PAK2: variants seen among roughly 807,000 people sequenced by gnomAD.
The protein encoded by PAK2 is p21 (RAC1) activated kinase 2.
PAK2 carries 21 observed loss-of-function variants against 65.9 expected under a neutral mutation model. The ratio of observed to expected loss-of-function variants is 0.32; its 90% confidence interval spans 0.23 to 0.46. The LOEUF is 0.46. Ranked by LOEUF, PAK2 falls within the 20% of genes least tolerant of loss-of-function variation. The pLI, the probability that PAK2 is intolerant of heterozygous loss-of-function variation, is 1.00. For missense variants in PAK2, 324 were observed against 642.6 expected (o/e 0.50, Z 5.36); for synonymous variants, 204 against 219.7 (o/e 0.93, Z 0.63).
chr3:196,804,806 GATATAT>G (rs371990910), intron 4 of PAK2, among the ~76,000 whole-genome samples: 8 of 142,546 alleles, frequency 5.6e-5, no homozygotes, highest in African/African-American at 1.6e-4. Flanking sequence ...GTGTGTGTGT[GATATAT>G]ATATATATAT....
intron 1 of PAK2, among the ~76,000 whole-genome samples, chr3:196,766,905 A>T (rs1179911324): frequency 6.7e-6 from 1 of 148,710 alleles, no homozygotes; most frequent in Admixed American, 6.7e-5. Flanking sequence ...CTTCCATTTA[A>T]AAAAAAAATA....
At chr3:196,821,378 C>T (rs1711645630) in intron 13 of PAK2, among the ~76,000 whole-genome samples, 1 of 151,762 alleles carries the variant, frequency 6.6e-6, no homozygotes, top group Non-Finnish European at 1.5e-5. Context: ...TTCACAACTA[C>T]TAGAATGGCT....
chr3:196,764,239 A>G (rs904904998), intron 1 of PAK2, among the ~76,000 whole-genome samples: 2 of 152,172 alleles, frequency 1.3e-5, no homozygotes, highest in Non-Finnish European at 2.9e-5. Flanking sequence ...CTTCTTTATG[A>G]TAAGTTTGTC....
At chr3:196,810,818 C>G (rs1486308720) in intron 8 of PAK2, among the ~76,000 whole-genome samples, 165 bp downstream of exon 8, 1 of 151,970 alleles carries the variant, frequency 6.6e-6, no homozygotes, top group Admixed American at 6.6e-5. Context: ...TTTGTAGATG[C>G]TGTTAAAAAA....
chr3:196,817,458 C>T (rs1209284797), intron 11 of PAK2, among the ~76,000 whole-genome samples: 1 of 152,096 alleles, frequency 6.6e-6, no homozygotes, highest in East Asian at 1.9e-4. Context: ...TCAAGCGATT[C>T]TGCTATCTCA....
chr3:196,815,294 C>A (rs931727622), intron 11 of PAK2, among the ~76,000 whole-genome samples: 1 of 151,368 alleles, frequency 6.6e-6, no homozygotes, highest in Non-Finnish European at 1.5e-5. Flanking sequence ...AGTTTTGAGA[C>A]CAGCCTGGGA....
chr3:196,807,894 A>T lies in PAK2; in HGVS notation c.689A>T (p.Glu230Val). 1 of 1,591,472 alleles carries T rather than the reference A, an allele frequency of 6.3e-7. No homozygotes were observed. Among genetic ancestry groups the T allele is most frequent in the East Asian group, 2.2e-5 (1 of 44,760 alleles). ...AAAAAGAAGACTAAGATGACAGATG[A>T]AGAGATTATGGAGAAATTAAGTATG... ...KQKKKTKMTD[E>V]EIMEKLRTIV... is the part of the protein sequence containing the mutation. The change falls in exon 7 of 15, where the codon GAA becomes GTA. Residue 230 changes from glutamate (E) to valine (V), a missense_variant. This residue lies in a region of PAK2 where 183 missense variants were observed against 246.2 expected (regional missense o/e 0.74). Coordinates refer to ENST00000327134, the MANE Select transcript of PAK2 (RefSeq NM_002577.4).
chr3:196,785,510 T>G (rs371506554), intron 2 of PAK2, among the ~76,000 whole-genome samples: 4 of 152,182 alleles, frequency 2.6e-5, no homozygotes, highest in African/African-American at 9.7e-5. Context: ...AAATACTAGC[T>G]CATTGTGTTT....
At chr3:196,809,129 T>C (rs1478547149) in intron 7 of PAK2, among the ~76,000 whole-genome samples, 2 of 150,580 alleles carry the variant, frequency 1.3e-5, no homozygotes, top group Admixed American at 1.3e-4. Context: ...ATGTCTGTAG[T>C]CCCAGCTGAC....
At chr3:196,826,461 C>T (rs527675668) in intron 13 of PAK2, among the ~76,000 whole-genome samples, 39 of 152,082 alleles carry the variant, frequency 2.6e-4, no homozygotes, top group African/African-American at 8.4e-4. Flanking sequence ...CGTGAGCCAC[C>T]ATGCCCGGCC....
At chr3:196,743,816 A>C (rs548346094) in intron 1 of PAK2, among the ~76,000 whole-genome samples, 2 of 152,270 alleles carry the variant, frequency 1.3e-5, no homozygotes, top group African/African-American at 4.8e-5. Context: ...CAGGAGGCAG[A>C]GGCTGCAGTG....
chr3:196,749,733 G>A (rs1798636), intron 1 of PAK2, among the ~76,000 whole-genome samples: 70,889 of 151,908 alleles, frequency 0.47, 16,999 homozygotes, highest in Non-Finnish European at 0.53. Flanking sequence ...AATGGATGTG[G>A]GGGTTCCTGT....
rs956582362 is a variant in PAK2, at chr3:196,831,450, G to A, written c.*3045G>A. 3.3e-5 allele frequency: 5 copies of A among 152,120 alleles called. No homozygotes were observed. Among genetic ancestry groups the A allele is most frequent in the South Asian group, 2.1e-4 (1 of 4,830 alleles). 9.4% of individuals were successfully genotyped at this position (152,120 alleles called of 1,614,324 possible). ...CCTACCTGAAAGTAAACGAGTAATT[G>A]TGAAGCATAAGACACTGAGGCTAAT... is the stretch of plus-strand genomic sequence containing the variant. On this transcript the variant is annotated 3_prime_UTR_variant, in exon 15 of 15. Transcript: ENST00000327134.
intron 12 of PAK2, among the ~76,000 whole-genome samples, chr3:196,818,738 A>T (rs2108771670): frequency 6.6e-6 from 1 of 152,336 alleles, no homozygotes; most frequent in South Asian, 2.1e-4. Context: ...ATGAAAATGA[A>T]TTAAACTTTT....
intron 1 of PAK2, among the ~76,000 whole-genome samples, chr3:196,759,525 T>TTTTTTTTTTTTTTTTTTG (rs1560092904): frequency 6.8e-5 from 9 of 131,690 alleles, no homozygotes; most frequent in Non-Finnish European, 1.3e-4. Flanking sequence ...TTTTTTTTTT[T>TTTTTTTTTTTTTTTTTTG]TTTTTTTTTT....
rs1255730670 is a variant in PAK2, at chr3:196,831,023, A to C, written c.*2618A>C. On this transcript the variant is annotated 3_prime_UTR_variant, in exon 15 of 15. Coordinates refer to ENST00000327134, the MANE Select transcript of PAK2 (RefSeq NM_002577.4). ...TGCCTCAGCCTCCTGAGTAGCTGAG[A>C]CCACAGGCACCCGCCACCACACCCA... 6.6e-6 allele frequency: 1 copy of C among 152,118 alleles called. No individual in the cohort carries two copies. Among genetic ancestry groups the C allele is most frequent in the Non-Finnish European group, 1.5e-5 (1 of 68,066 alleles). The allele number at this position is 152,118 out of a possible 1,614,324, so 9.4% of individuals were successfully genotyped here.
In PAK2 at chr3:196,828,632, A is replaced by C; in HGVS notation, c.*227A>C. The C allele has an allele frequency of 2.1e-6, 1 of 485,142 alleles. No individual in the cohort carries two copies. The highest frequency in any genetic ancestry group is 3.6e-6 in the Non-Finnish European group (1 of 276,644). The allele number at this position is 485,142 out of a possible 1,614,324, so 30.1% of individuals were successfully genotyped here. On this transcript the variant is annotated 3_prime_UTR_variant, in exon 15 of 15. Coordinates refer to ENST00000327134, the MANE Select transcript of PAK2 (RefSeq NM_002577.4). The stretch of plus-strand genomic sequence containing the variant: ...TCCAGAAGGAATTGTGGACTGAATC[A>C]CTAGCCTTAGGTCTTTCAGCAAACA...
chr3:196,767,553 A>G (rs1714211927), intron 1 of PAK2, among the ~76,000 whole-genome samples: 1 of 150,604 alleles, frequency 6.6e-6, no homozygotes, highest in African/African-American at 2.5e-5. Context: ...CAGTGGCATG[A>G]TCTTGGCTCA....
chr3:196,824,824 C>A (rs930625491), intron 13 of PAK2, among the ~76,000 whole-genome samples: 8 of 149,760 alleles, frequency 5.3e-5, no homozygotes, highest in South Asian at 2.1e-4. Flanking sequence ...AAAAAAAAAA[C>A]AAGACCATAG....
Sources: gnomAD v4.1 joint callset for allele counts (sites outside exome capture counted in the v4.1 genomes callset) on GRCh38, gnomAD v4.1.1 for gene constraint, gnomAD v4.1.1 regional missense constraint, MANE v1.5 for transcripts, NCBI Gene and HGNC (gene_info 2026-07-23, HGNC 2026-07-21) for gene names.